The following TOX variants were observed in gnomAD, a reference collection of about 807,000 sequenced individuals.
TOX encodes thymocyte selection associated high mobility group box, also known as thymocyte selection-associated high mobility group box protein TOX.
A neutral mutation model predicts 53.7 loss-of-function variants in TOX; 11 were observed. That is an observed-to-expected ratio of 0.20 (90% confidence interval 0.13 to 0.34). TOX has a LOEUF of 0.34. Among genes scored for constraint, TOX ranks in the 10% least tolerant of loss-of-function variants. TOX has a pLI of 1.00. For missense variants in TOX, 570 were observed against 664.6 expected (o/e 0.86, Z 1.56); for synonymous variants, 225 against 245.3 (o/e 0.92, Z 0.77).
At position 58,959,927 on chromosome 8, in the gene TOX, A is replaced by G; in HGVS notation, c.168+16T>C. ...ATTACAATTTGAAACAAGGCAGAGA[A>G]GATTAATTAACCCACCTGGCTGGCT... On this transcript the variant is annotated intron_variant, in intron 2 of 8. Transcript: ENST00000361421. 6.2e-7 allele frequency: 1 copy of G among 1,614,010 alleles called. No individual in the cohort carries two copies. The highest frequency in any genetic ancestry group is 8.5e-7 in the Non-Finnish European group (1 of 1,179,882).
intron 1 of TOX, among the ~76,000 whole-genome samples, chr8:59,089,053 C>T (rs1804560912): frequency 6.6e-6 from 1 of 152,154 alleles, no homozygotes; most frequent in Non-Finnish European, 1.5e-5. Context: ...TAATAGTTCT[C>T]CATGACAAAT....
intron 1 of TOX, among the ~76,000 whole-genome samples, chr8:58,964,299 C>T (rs60750608): frequency 4.7e-4 from 71 of 152,194 alleles, no homozygotes; most frequent in Middle Eastern, 3.4e-3. Flanking sequence ...AATAAAAATA[C>T]GTATGTGTAT....
rs1330511766 is a variant in TOX, at chr8:59,119,003, A to G, written c.-16T>C. 1 of 1,555,224 alleles carries G rather than the reference A, an allele frequency of 6.4e-7. No individual in the cohort carries two copies. The highest frequency in any genetic ancestry group is 2.4e-5 in the East Asian group (1 of 42,552). ...TTACGTCCATTTCACTCTCACATCA[A>G]GCAACTCCTTTTCTTTTTCCTTTTT... On this transcript the variant is annotated 5_prime_UTR_variant, in exon 1 of 9. Transcript: ENST00000361421.
intron 1 of TOX, among the ~76,000 whole-genome samples, chr8:59,006,564 T>A (rs2129418471): frequency 6.6e-6 from 1 of 152,338 alleles, no homozygotes; most frequent in Non-Finnish European, 1.5e-5. Flanking sequence ...ATCACAATTT[T>A]ATCAAGGACA....
intron 1 of TOX, among the ~76,000 whole-genome samples, chr8:59,016,844 C>T (rs1814020622): frequency 6.6e-6 from 1 of 152,212 alleles, no homozygotes; most frequent in African/African-American, 2.4e-5. Flanking sequence ...CTTTACCTGT[C>T]CTAAGATACT....
chr8:59,079,985 C>CTT (rs140553464), intron 1 of TOX, among the ~76,000 whole-genome samples: 1 of 140,868 alleles, frequency 7.1e-6, no homozygotes. Flanking sequence ...GTTTTCTTTT[C>CTT]TTTTTTTTTT....
chr8:58,822,504 G>T (rs150719212), intron 6 of TOX, among the ~76,000 whole-genome samples: 1 of 152,194 alleles, frequency 6.6e-6, no homozygotes, highest in Non-Finnish European at 1.5e-5. Flanking sequence ...GACCAGAGCC[G>T]GGCAGTTTTG....
chr8:59,064,941 C>A (rs1373501637), intron 1 of TOX, among the ~76,000 whole-genome samples: 1 of 152,034 alleles, frequency 6.6e-6, no homozygotes, highest in Non-Finnish European at 1.5e-5. Context: ...CTAAAAGGGG[C>A]CCACTTGAGG....
In TOX at chr8:58,932,282, G is replaced by GA. The variant is rs35387167; in HGVS notation, c.411+7019dup. Among the ~76,000 whole-genome samples, 258 of 148,354 alleles carry GA rather than the reference G, an allele frequency of 1.7e-3. No individual in the cohort carries two copies. The East Asian group carries it at 0.019, about 11-fold the overall frequency. The stretch of plus-strand genomic sequence containing the variant: ...CGATATTCAAAAAAGGATAATTTGT[G>GA]AAAAAAAAAAACAGGCTATAATTGC... On this transcript the variant is annotated intron_variant, in intron 3 of 8. Coordinates refer to ENST00000361421, the MANE Select transcript of TOX (RefSeq NM_014729.3).
intron 2 of TOX, among the ~76,000 whole-genome samples, chr8:58,947,665 A>C (rs1812546236): frequency 6.6e-6 from 1 of 152,230 alleles, no homozygotes; most frequent in Admixed American, 6.5e-5. Context: ...ATGGGAACTT[A>C]GGCTCTCAAT....
intron 1 of TOX, among the ~76,000 whole-genome samples, chr8:58,968,981 T>A (rs994943161): frequency 1.3e-5 from 2 of 152,176 alleles, no homozygotes; most frequent in Non-Finnish European, 2.9e-5. Context: ...AAAGTGGTAG[T>A]ATCAAATAAA....
At chr8:58,871,216 A>T (rs1286477154) in intron 3 of TOX, among the ~76,000 whole-genome samples, 2 of 150,814 alleles carry the variant, frequency 1.3e-5, no homozygotes, top group Admixed American at 1.3e-4. Context: ...GCTTCCAATT[A>T]TATGTGGACA....
chr8:58,998,783 A>T (rs1813633489), intron 1 of TOX, among the ~76,000 whole-genome samples: 1 of 151,832 alleles, frequency 6.6e-6, no homozygotes, highest in African/African-American at 2.4e-5. Context: ...TGAATAATTG[A>T]TTCAGATAGT....
intron 5 of TOX, among the ~76,000 whole-genome samples, chr8:58,827,698 T>C (rs1408115334): frequency 3.3e-5 from 5 of 152,200 alleles, no homozygotes; most frequent in Non-Finnish European, 7.3e-5. Flanking sequence ...TCATCCTAAA[T>C]TGAGCAAAAG....
intron 3 of TOX, among the ~76,000 whole-genome samples, chr8:58,879,052 C>T (rs576658914): frequency 3.2e-5 from 4 of 124,980 alleles, no homozygotes; most frequent in African/African-American, 1.5e-4. Flanking sequence ...CAAAGCAAGA[C>T]TTCATCTCAA....
chr8:59,010,742 T>C (rs1813889640), intron 1 of TOX, among the ~76,000 whole-genome samples: 1 of 152,216 alleles, frequency 6.6e-6, no homozygotes, highest in South Asian at 2.1e-4. Flanking sequence ...TAAGTGCTAT[T>C]ATCCACTTTT....
chr8:59,050,511 T>C (rs1042680017), intron 1 of TOX, among the ~76,000 whole-genome samples: 1 of 152,180 alleles, frequency 6.6e-6, no homozygotes, highest in African/African-American at 2.4e-5. Flanking sequence ...ATCAAAATTA[T>C]GTAATATTTT....
Position 58,927,134 on chromosome 8 carries a change from C to T in TOX, c.411+12168G>A, listed in dbSNP as rs562023653. ...AAGTCACCCAGCCAGGATTTCAAGC[C>T]CATCCTTCTTTCATTGAAATGTAGG... On this transcript the variant is annotated intron_variant, in intron 3 of 8. Transcript: ENST00000361421. Among the ~76,000 whole-genome samples the T allele has an allele frequency of 9.9e-4, 150 of 152,096 alleles. 2 individuals are homozygous for T. Among genetic ancestry groups the T allele is most frequent in the Non-Finnish European group, 1.7e-3 (117 of 67,990 alleles).
chr8:58,881,804 C>T (rs767758939), intron 3 of TOX, among the ~76,000 whole-genome samples: 2 of 151,512 alleles, frequency 1.3e-5, no homozygotes, highest in Admixed American at 6.6e-5. Flanking sequence ...CACCAAGCCG[C>T]AGTATCAGGA....
Sources: allele counts gnomAD v4.1 joint callset (sites outside exome capture counted in the v4.1 genomes callset), GRCh38; gene constraint gnomAD v4.1.1; transcripts MANE v1.5; gene names NCBI Gene and HGNC (gene_info 2026-07-23, HGNC 2026-07-21).